DLG1: variants seen among roughly 807,000 people sequenced by gnomAD.
DLG1 encodes the protein disks large homolog 1.
Under a neutral mutation model 123.4 loss-of-function variants are expected in DLG1, and 42 were observed. That is an observed-to-expected ratio of 0.34 (90% CI 0.27 to 0.44). The LOEUF is 0.44. DLG1 is among the 20% of genes least tolerant of loss of function. The pLI is 1.00. For missense variants in DLG1, 942 were observed against 1,082.6 expected, an observed-to-expected ratio of 0.87 and a Z score of 1.82; for synonymous variants, 317 against 356.2, an observed-to-expected ratio of 0.89 and a Z score of 1.24.
chr3:197,273,389 C>G (rs1764804384), intron 4 of DLG1, among the ~76,000 whole-genome samples: 1 of 151,956 alleles, frequency 6.6e-6, no homozygotes, highest in South Asian at 2.1e-4. Flanking sequence ...AGGTGCCCGC[C>G]ACAACAACCG....
At chr3:197,088,866 T>C (rs1021297922) in intron 15 of DLG1, among the ~76,000 whole-genome samples, 8 of 152,246 alleles carry the variant, frequency 5.3e-5, no homozygotes, top group African/African-American at 1.4e-4. Flanking sequence ...AGGCAGCTCA[T>C]AGGGTACCAC....
At chr3:197,120,741 C>T (rs1004529466) in intron 11 of DLG1, among the ~76,000 whole-genome samples, 1 of 152,146 alleles carries the variant, frequency 6.6e-6, no homozygotes, top group Non-Finnish European at 1.5e-5. Context: ...CAGGAAATGA[C>T]TGAAACGATA....
chr3:197,156,938 T>C (rs1271995240), intron 5 of DLG1, among the ~76,000 whole-genome samples: 1 of 152,072 alleles, frequency 6.6e-6, no homozygotes, highest in Non-Finnish European at 1.5e-5. Context: ...AAACACAATA[T>C]ACCAAAGAGA....
intron 11 of DLG1, among the ~76,000 whole-genome samples, chr3:197,127,409 C>T (rs866476486): frequency 3.1e-5 from 3 of 97,686 alleles, no homozygotes; most frequent in African/African-American, 4.2e-5. Flanking sequence ...GGCAACAGAG[C>T]GAGATTCTGT....
intron 14 of DLG1, among the ~76,000 whole-genome samples, chr3:197,102,238 C>CT (rs1331388853): frequency 2.0e-5 from 3 of 152,128 alleles, no homozygotes; most frequent in Non-Finnish European, 4.4e-5. Context: ...AGTACACAAG[C>CT]TGAAAAACCC....
chr3:197,295,719 G>GA (rs1777100360), intron 3 of DLG1, among the ~76,000 whole-genome samples: 2 of 152,168 alleles, frequency 1.3e-5, no homozygotes, highest in Non-Finnish European at 2.9e-5. Context: ...TGGTGGCATA[G>GA]AAAAGATTAA....
At chr3:197,113,604 TTTTAC>T (rs1349130186) in intron 13 of DLG1, among the ~76,000 whole-genome samples, 2 of 152,184 alleles carry the variant, frequency 1.3e-5, no homozygotes, top group African/African-American at 4.8e-5. Flanking sequence ...CTTTTTTCAC[TTTTAC>T]TTACAACCCA....
chr3:197,128,633 A>C (rs1780969334), intron 11 of DLG1, among the ~76,000 whole-genome samples: 1 of 152,236 alleles, frequency 6.6e-6, no homozygotes, highest in Non-Finnish European at 1.5e-5. Context: ...CAGCGGAATC[A>C]CTACCTATGA....
intron 5 of DLG1, among the ~76,000 whole-genome samples, chr3:197,154,937 C>T (rs1001870427): frequency 2.0e-5 from 3 of 151,856 alleles, no homozygotes; most frequent in Admixed American, 6.6e-5. Context: ...CTAAGGGACC[C>T]GTGAGACATC....
intron 11 of DLG1, among the ~76,000 whole-genome samples, chr3:197,121,911 G>A (rs1314232468): frequency 6.6e-6 from 1 of 150,870 alleles, no homozygotes; most frequent in Non-Finnish European, 1.5e-5. Context: ...TGTCTGCTAA[G>A]GAAAATGCAT....
At chr3:197,201,522 C>A (rs150948790) in intron 4 of DLG1, among the ~76,000 whole-genome samples, 4 of 152,312 alleles carry the variant, frequency 2.6e-5, no homozygotes, top group Admixed American at 2.6e-4. Flanking sequence ...CAATAATGAT[C>A]TGGCCAAACA....
Position 197,102,551 on chromosome 3 carries a change from A to G in DLG1, c.1546+2352T>C, listed in dbSNP as rs560557450. On this transcript the variant is annotated intron_variant, in intron 14 of 24. Transcript: ENST00000667157. ...GCTTTGATGCTTTTCCCCACCTCTTATTATCTTTGTATGAATGTGAGGCTA... is the reference window on the plus strand; with the variant it reads ...GCTTTGATGCTTTTCCCCACCTCTTGTTATCTTTGTATGAATGTGAGGCTA... Among the ~76,000 whole-genome samples the G allele has an allele frequency of 1.1e-4, 16 of 152,242 alleles. No homozygotes were observed. The East Asian group carries it at 2.9e-3, about 28-fold the overall frequency.
At chr3:197,290,199 C>CG (rs755128955) in intron 3 of DLG1, among the ~76,000 whole-genome samples, 1 of 151,624 alleles carries the variant, frequency 6.6e-6, no homozygotes, top group African/African-American at 2.4e-5. Context: ...ATGAAAGACA[C>CG]GGGAAAAAAA....
chr3:197,057,525 A>G (rs1732597797), intron 23 of DLG1, among the ~76,000 whole-genome samples: 1 of 152,206 alleles, frequency 6.6e-6, no homozygotes, highest in Non-Finnish European at 1.5e-5. Context: ...ACACTATGAT[A>G]CTATCAACAG....
chr3:197,259,581 T>A (rs984871590), intron 4 of DLG1, among the ~76,000 whole-genome samples: 15 of 152,322 alleles, frequency 9.8e-5, no homozygotes, highest in African/African-American at 3.6e-4. Context: ...TTCCATATTT[T>A]AAAAACCAAT....
At chr3:197,167,691 C>G (rs1802103180) in intron 5 of DLG1, among the ~76,000 whole-genome samples, 1 of 152,146 alleles carries the variant, frequency 6.6e-6, no homozygotes, top group Non-Finnish European at 1.5e-5. Context: ...TTAAAAACAA[C>G]TTTACTGAGG....
At chr3:197,137,567 A>G (rs1785648894) in intron 9 of DLG1, among the ~76,000 whole-genome samples, 1 of 152,168 alleles carries the variant, frequency 6.6e-6, no homozygotes, top group African/African-American at 2.4e-5. Context: ...ACTTTTAAAA[A>G]CTCTTAAAAA....
intron 3 of DLG1, among the ~76,000 whole-genome samples, chr3:197,289,689 A>G (rs1773879007): frequency 6.6e-6 from 1 of 152,222 alleles, no homozygotes; most frequent in Non-Finnish European, 1.5e-5. Flanking sequence ...ACATACTAAG[A>G]TAATACCACA....
At chr3:197,108,097 G>A (rs1433785124) in intron 13 of DLG1, among the ~76,000 whole-genome samples, 2 of 152,192 alleles carry the variant, frequency 1.3e-5, no homozygotes, top group South Asian at 2.1e-4. Flanking sequence ...TTATTAAGAT[G>A]GTGTCTTACT....
Sources: allele counts gnomAD v4.1 joint callset (sites outside exome capture counted in the v4.1 genomes callset), GRCh38; gene constraint gnomAD v4.1.1; transcripts MANE v1.5; gene names NCBI Gene and HGNC (gene_info 2026-07-23, HGNC 2026-07-21).